The following ACACB variants were observed in gnomAD, a reference collection of about 807,000 sequenced individuals.
ACACB encodes acetyl-CoA carboxylase 2.
Under a neutral mutation model 278.8 loss-of-function variants are expected in ACACB, and 209 were observed. The ratio of observed to expected loss-of-function variants is 0.75; its 90% CI spans 0.67 to 0.84. The LOEUF is 0.84. ACACB is among the 40% of genes least tolerant of loss of function. The pLI, the probability that ACACB is intolerant of heterozygous loss-of-function variation, is 0.00. For synonymous variants in ACACB, 1,174 were observed against 1,285.6 expected, an observed-to-expected ratio of 0.91 and a Z score of 1.86; for missense variants, 2,850 against 3,269.0, an observed-to-expected ratio of 0.87 and a Z score of 3.13.
chr12:109,256,114 C>A, intron 44 of ACACB, 26 bp from the exon 45 acceptor site: 1 of 1,604,494 alleles, frequency 6.2e-7, no homozygotes, highest in Non-Finnish European at 8.5e-7. Flanking sequence ...GCCCTCCAGC[C>A]TGGGCTTCTG....
intron 18 of ACACB, among the ~76,000 whole-genome samples, chr12:109,200,889 A>G (rs1262766346): frequency 6.6e-6 from 1 of 152,136 alleles, no homozygotes; most frequent in Non-Finnish European, 1.5e-5. Flanking sequence ...ATTATTCCTC[A>G]TTTTACACTT....
chr12:109,156,666 A>T lies in ACACB; in HGVS notation c.654-10195A>T, dbSNP rs537715468. On this transcript the variant is annotated intron_variant, in intron 2 of 52. Coordinates refer to ENST00000338432, the MANE Select transcript of ACACB (RefSeq NM_001093.4). Reference sequence around the variant, plus strand: ...CCCCTGTAGCTGAATCTCTGCCTCCATCCTTTATTTTCTTAGGATATGTTT... The same window carrying T: ...CCCCTGTAGCTGAATCTCTGCCTCCTTCCTTTATTTTCTTAGGATATGTTT... Among the ~76,000 whole-genome samples, 13 of 146,808 alleles carry T rather than the reference A, an allele frequency of 8.9e-5. 1 individual carries two copies. In the South Asian group the frequency reaches 2.1e-3, roughly 24 times the overall value.
rs571416715 is a variant in ACACB at position 109,155,582 on chromosome 12, C to A, written c.654-11279C>A. Among the ~76,000 whole-genome samples, 196 of 151,546 alleles carry A rather than the reference C, an allele frequency of 1.3e-3. 1 individual carries two copies. Among genetic ancestry groups the A allele is most frequent in the African/African-American group, 4.4e-3 (180 of 41,344 alleles). ...TGTTTGTTAACAGTTGTATATTCTT[C>A]AGCTTTTTTTTTTTTCCGGTGCAGA... On this transcript the variant is annotated intron_variant, in intron 2 of 52. Coordinates refer to ENST00000338432, the MANE Select transcript of ACACB (RefSeq NM_001093.4).
rs754941289 is a variant in ACACB, at chr12:109,260,499, G to A, written c.6516G>A (p.Leu2172=). 1 of 1,614,230 alleles carries A rather than the reference G, an allele frequency of 6.2e-7. No individual in the cohort carries two copies. Among genetic ancestry groups the A allele is most frequent in the Non-Finnish European group, 8.5e-7 (1 of 1,180,044 alleles). The part of the protein sequence containing the change: ...GGMKDMYDQV[L]KFGAYIVDGL... ...TTTCAGACATGTATGACCAGGTGCT[G>A]AAGTTTGGAGCCTACATCGTGGACG... is the stretch of plus-strand genomic sequence containing the variant. Residue 2172 remains leucine (L), a synonymous_variant, in exon 48 of 53, where the codon CTG becomes CTA. Coordinates refer to ENST00000338432, the MANE Select transcript of ACACB (RefSeq NM_001093.4).
intron 37 of ACACB, 28 bp from the exon 38 acceptor site, chr12:109,245,598 T>A: frequency 6.2e-7 from 1 of 1,607,642 alleles, no homozygotes. Flanking sequence ...TGACTTCAAG[T>A]TTTTTCTCTT....
intron 44 of ACACB, among the ~76,000 whole-genome samples, chr12:109,255,685 T>A (rs2047207657): frequency 1.3e-5 from 2 of 152,210 alleles, no homozygotes; most frequent in Non-Finnish European, 2.9e-5. Flanking sequence ...TCTCTCTCTG[T>A]CTCTCTGGGA....
intron 11 of ACACB, among the ~76,000 whole-genome samples, chr12:109,181,840 CTTTTTTTTTTTTT>C (rs34174568): frequency 6.1e-5 from 5 of 81,550 alleles, no homozygotes; most frequent in African/African-American, 2.5e-4. Context: ...TTTTCCTTTC[CTTTTTTTTTTTTT>C]TTTTTTTTTG....
intron 31 of ACACB, among the ~76,000 whole-genome samples, chr12:109,234,971 T>C (rs950369600): frequency 2.6e-5 from 4 of 152,032 alleles, no homozygotes; most frequent in African/African-American, 9.7e-5. Context: ...TTTTAGTATA[T>C]TCACCAGGTT....
chr12:109,262,765 G>A (rs1032832741), intron 49 of ACACB, among the ~76,000 whole-genome samples: 22 of 151,202 alleles, frequency 1.5e-4, no homozygotes, highest in Admixed American at 1.4e-3. Context: ...CTACAAGTAC[G>A]CAACACCATG....
chr12:109,166,687 C>G (rs2043916814), intron 2 of ACACB, among the ~76,000 whole-genome samples, 174 bp from the exon 3 acceptor site: 1 of 118,830 alleles, frequency 8.4e-6, no homozygotes, highest in Admixed American at 8.9e-5. Context: ...ACCGAAGGTG[C>G]TTCCTGCCCT....
In ACACB at chr12:109,226,114, AAAC is replaced by A. The variant is rs1350467044; in HGVS notation, c.3883-1254_3883-1252del. Among the ~76,000 whole-genome samples the A allele has an allele frequency of 1.8e-4, 27 of 151,904 alleles. 1 individual carries two copies. The highest frequency in any genetic ancestry group is 1.6e-3 in the Admixed American group (25 of 15,228). ...AGATCCTTTCTTTACTAAATATAAA[AAAC>A]AAAAAAAATTAGCCAGGTGTGGTGG... On this transcript the variant is annotated intron_variant, in intron 27 of 52. Coordinates refer to ENST00000338432, the MANE Select transcript of ACACB (RefSeq NM_001093.4).
At chr12:109,193,567 G>C in intron 15 of ACACB, 81 bp from the exon 16 acceptor site, 1 of 1,199,318 alleles carries the variant, frequency 8.3e-7, no homozygotes. Flanking sequence ...AGAGAGTTGC[G>C]TAATTTTTTT....
intron 2 of ACACB, among the ~76,000 whole-genome samples, chr12:109,144,140 C>T (rs529253029): frequency 6.6e-6 from 1 of 152,184 alleles, no homozygotes; most frequent in Non-Finnish European, 1.5e-5. Context: ...TGGTGAAACC[C>T]CATCTCTATT....
In ACACB at chr12:109,246,464, G is replaced by A; in HGVS notation, c.5571+16G>A. 3 of 1,605,230 alleles carry A rather than the reference G, an allele frequency of 1.9e-6. No homozygotes were observed. Among genetic ancestry groups the A allele is most frequent in the Non-Finnish European group, 2.6e-6 (3 of 1,173,258 alleles). On this transcript the variant is annotated intron_variant, in intron 39 of 52. Transcript: ENST00000338432. ...CCCCCACAAAGTACGTCGTGAAACT[G>A]GCGGGGCAGGGTGATTCTGCTCAGC...
At chr12:109,167,847 A>C in intron 3 of ACACB, 49 bp from the exon 4 acceptor site, 1 of 1,612,762 alleles carries the variant, frequency 6.2e-7, no homozygotes, top group Non-Finnish European at 8.5e-7. Flanking sequence ...CGTGGCCCCC[A>C]GCGCAGGTAG....
intron 34 of ACACB, among the ~76,000 whole-genome samples, chr12:109,238,408 A>G (rs2046696195): frequency 7.2e-6 from 1 of 138,206 alleles, no homozygotes; most frequent in Non-Finnish European, 1.5e-5. Context: ...ATATATAATT[A>G]TATATAATAA....
In ACACB at chr12:109,138,775, C is replaced by A. The variant is rs527997968; in HGVS notation, c.-9-622C>A. ...GGAGGCTGAGGCAGAATTGCTTGAA[C>A]CCAGGAGGCGGAGTTTGCAGTGAGC... On this transcript the variant is annotated intron_variant, in intron 1 of 52. Transcript: ENST00000338432. 1.5e-4 allele frequency among the ~76,000 whole-genome samples: 23 copies of A among 152,194 alleles called. No homozygotes were observed. The East Asian group carries it at 4.4e-3, about 29-fold the overall frequency.
At chr12:109,115,756 G>T (rs1338786216), upstream of ACACB, among the ~76,000 whole-genome samples, 1 of 152,246 alleles carries the variant, frequency 6.6e-6, no homozygotes, top group African/African-American at 2.4e-5. Flanking sequence ...GCTGTGAACA[G>T]GCTGCACCAG....
At chr12:109,209,494 TC>T in intron 21 of ACACB, 141 bp downstream of exon 21, 1 of 828,600 alleles carries the variant, frequency 1.2e-6, no homozygotes, top group Non-Finnish European at 1.8e-6. Flanking sequence ...GCCGAGGGTT[TC>T]CTTTTGAGCC....
Sources: allele counts gnomAD v4.1 joint callset (sites outside exome capture counted in the v4.1 genomes callset), GRCh38; gene constraint gnomAD v4.1.1; transcripts MANE v1.5; gene names NCBI Gene and HGNC (gene_info 2026-07-23, HGNC 2026-07-21).